The following PCDHA4 variants were observed in gnomAD, a reference collection of about 807,000 sequenced individuals.
The protein encoded by PCDHA4 is protocadherin alpha 4.
A neutral mutation model predicts 61.4 loss-of-function variants in PCDHA4; 49 were observed. The ratio of observed to expected loss-of-function variants is 0.80; its 90% CI spans 0.63 to 1.01. The LOEUF (loss-of-function observed/expected upper bound fraction) is 1.01. PCDHA4 is among the 50% of genes least tolerant of loss of function. The pLI is 0.00. For missense variants in PCDHA4, 1,254 were observed against 1,235.8 expected (o/e 1.01, Z -0.22); for synonymous variants, 590 against 550.3 (o/e 1.07, Z -1.01).
intron 1 of PCDHA4, chr5:140,926,643 G>A (rs1292255848): frequency 4.9e-5 from 22 of 452,632 alleles, no homozygotes; most frequent in African/African-American, 3.9e-4. Flanking sequence ...CTCAACACCC[G>A]GCCGGCTCCG....
At chr5:140,857,475 T>C in intron 1 of PCDHA4, 2 of 1,598,608 alleles carry the variant, frequency 1.3e-6, no homozygotes, top group Non-Finnish European at 1.7e-6. Flanking sequence ...ATCTTCACGG[T>C]GTCTGCGTGG....
intron 1 of PCDHA4, chr5:140,814,987 G>A (rs1462134878): frequency 6.6e-6 from 1 of 152,030 alleles, no homozygotes; most frequent in Non-Finnish European, 1.5e-5. Flanking sequence ...ACTATTTTGT[G>A]TGATGTAGCT....
chr5:140,836,350 A>G, intron 1 of PCDHA4: 1 of 1,613,636 alleles, frequency 6.2e-7, no homozygotes, highest in Non-Finnish European at 8.5e-7. Context: ...GACCACGGGG[A>G]GCCCTCGCTG....
chr5:140,843,159 C>T lies in PCDHA4; in HGVS notation c.2385+33587C>T. 5 of 1,596,084 alleles carry T rather than the reference C, an allele frequency of 3.1e-6. 1 individual carries two copies. The highest frequency in any genetic ancestry group is 4.3e-6 in the Non-Finnish European group (5 of 1,165,594). On this transcript the variant is annotated intron_variant, in intron 1 of 3. Coordinates refer to ENST00000530339, the MANE Select transcript of PCDHA4 (RefSeq NM_018907.4). ...GCGTGGCTTTCGTATGAGCTGCAGC[C>T]AGCTGCAAGCAGCCCTCGCATCCCG...
chr5:140,841,812 C>T (rs1777513901), intron 1 of PCDHA4: 1 of 1,613,912 alleles, frequency 6.2e-7, no homozygotes, highest in African/African-American at 1.3e-5. Context: ...GATGTTGGAG[C>T]TAACTCCGTG....
At chr5:140,815,455 A>C (rs1554126782) in intron 1 of PCDHA4, 1 of 152,158 alleles carries the variant, frequency 6.6e-6, no homozygotes, top group African/African-American at 2.4e-5. Flanking sequence ...TCACAAAACA[A>C]AACTCATTAT....
In PCDHA4 at chr5:140,875,833, G is replaced by T. The variant is rs782436615; in HGVS notation, c.2385+66261G>T. The stretch of plus-strand genomic sequence containing the variant: ...GCCGCTGCAGGTTTTCCATGTGGAC[G>T]TGGAGGTGAAGGACATTAACGACAA... On this transcript the variant is annotated intron_variant, in intron 1 of 3. Coordinates refer to ENST00000530339, the MANE Select transcript of PCDHA4 (RefSeq NM_018907.4). 2.3e-5 allele frequency: 37 copies of T among 1,614,100 alleles called. No homozygotes were observed. The Admixed American group carries it at 6.0e-4, about 26-fold the overall frequency.
intron 1 of PCDHA4, chr5:140,875,435 A>G (rs1562696598): frequency 6.4e-7 from 1 of 1,563,788 alleles, no homozygotes; most frequent in East Asian, 2.3e-5. Context: ...GATCCCTTAA[A>G]ACTGATTGTC....
intron 1 of PCDHA4, among the ~76,000 whole-genome samples, chr5:140,969,673 G>A (rs1226601717): frequency 3.3e-5 from 5 of 152,170 alleles, no homozygotes; most frequent in African/African-American, 9.7e-5. Flanking sequence ...AATGTTATGA[G>A]ACTCAAGGAG....
At chr5:140,992,332 A>G (rs1554252819) in intron 3 of PCDHA4, among the ~76,000 whole-genome samples, 1 of 152,202 alleles carries the variant, frequency 6.6e-6, no homozygotes, top group African/African-American at 2.4e-5. Context: ...TCTAAGAGCA[A>G]AGATGGAAAT....
Position 140,883,713 on chromosome 5 carries a change from C to G in PCDHA4, c.2385+74141C>G, listed in dbSNP as rs782438050. ...ATCTTCACGGTGTCTGCTCAGGACG[C>G]GGACGCACAGGAGAACGCGCTGGTC... On this transcript the variant is annotated intron_variant, in intron 1 of 3. Coordinates refer to ENST00000530339, the MANE Select transcript of PCDHA4 (RefSeq NM_018907.4). 2.5e-6 allele frequency: 4 copies of G among 1,613,520 alleles called. No homozygotes were observed. The East Asian group carries it at 8.9e-5, about 36-fold the overall frequency.
At chr5:140,892,405 T>C (rs1224393895) in intron 1 of PCDHA4, among the ~76,000 whole-genome samples, 2 of 152,206 alleles carry the variant, frequency 1.3e-5, no homozygotes, top group African/African-American at 2.4e-5. Context: ...ATTTCAAGCT[T>C]CAGGTATTCT....
Position 140,929,454 on chromosome 5 carries a change from C to T in PCDHA4, c.2386-49495C>T, listed in dbSNP as rs2086172726. ...AACTAAACACTCCTTCTTAGCACTTCCTGTGCCAAGAAATCTGGAAGTATA... is the reference window on the plus strand; with the variant it reads ...AACTAAACACTCCTTCTTAGCACTTTCTGTGCCAAGAAATCTGGAAGTATA... On this transcript the variant is annotated intron_variant, in intron 1 of 3. Transcript: ENST00000530339. 7 of 1,355,724 alleles carry T rather than the reference C, an allele frequency of 5.2e-6. No individual in the cohort carries two copies. In the Admixed American group the frequency reaches 8.0e-5, roughly 16 times the overall value. The allele number at this position is 1,355,724 out of a possible 1,614,324, so 84.0% of individuals were successfully genotyped here. A position where few individuals can be genotyped will look rare whatever the true frequency, so the allele number is the denominator to read the frequency against.
chr5:140,843,593 G>T, intron 1 of PCDHA4: 2 of 1,596,072 alleles, frequency 1.3e-6, no homozygotes, highest in Non-Finnish European at 1.7e-6. Flanking sequence ...GCCGCAGAGG[G>T]TGTGCTCTGG....
intron 1 of PCDHA4, among the ~76,000 whole-genome samples, chr5:140,941,256 T>TTTCTTTCTTTCTTTCA (rs2092982969): frequency 2.2e-5 from 1 of 45,974 alleles, no homozygotes. Flanking sequence ...TCTTTCTTTC[T>TTTCTTTCTTTCTTTCA]CTTTCTTTCT....
intron 1 of PCDHA4, chr5:140,869,456 A>G (rs782269395): frequency 1.9e-6 from 3 of 1,614,072 alleles, no homozygotes; most frequent in Non-Finnish European, 2.5e-6. Flanking sequence ...CAGGTTTTCC[A>G]TGTGAACGTG....
chr5:140,958,492 A>G (rs2095426229), intron 1 of PCDHA4, among the ~76,000 whole-genome samples: 1 of 152,112 alleles, frequency 6.6e-6, no homozygotes, highest in Non-Finnish European at 1.5e-5. Context: ...AAGTCCACAT[A>G]TCCTAGGAGG....
At chr5:140,842,777 G>T (rs2150343988) in intron 1 of PCDHA4, 1 of 1,594,618 alleles carries the variant, frequency 6.3e-7, no homozygotes, top group Non-Finnish European at 8.6e-7. Flanking sequence ...GGACGCGCAG[G>T]AGAACGCGCT....
chr5:140,980,294 A>G (rs1325974235), intron 2 of PCDHA4, among the ~76,000 whole-genome samples: 1 of 152,234 alleles, frequency 6.6e-6, no homozygotes, highest in Non-Finnish European at 1.5e-5. Context: ...TACCAAAGCT[A>G]TGAGTTGTGC....
Sources: gnomAD v4.1 joint callset for allele counts (sites outside exome capture counted in the v4.1 genomes callset) on GRCh38, gnomAD v4.1.1 for gene constraint, MANE v1.5 for transcripts, NCBI Gene and HGNC (gene_info 2026-07-23, HGNC 2026-07-21) for gene names.